Variants in FOXO1 observed in about 807,000 individuals in gnomAD.
The protein encoded by FOXO1 is forkhead box O1, also known as forkhead box protein O1.
FOXO1 carries 6 observed loss-of-function variants against 44.1 expected under a neutral mutation model. That is an observed-to-expected ratio of 0.14 (90% CI 0.07 to 0.27). The LOEUF (loss-of-function observed/expected upper bound fraction) is 0.27, where lower values mean the gene tolerates loss of function less well. FOXO1 is among the 10% of genes least tolerant of loss of function. FOXO1 has a pLI of 1.00. For synonymous variants in FOXO1, 380 were observed against 362.7 expected, an observed-to-expected ratio of 1.05 and a Z score of -0.54; for missense variants, 737 against 888.8, an observed-to-expected ratio of 0.83 and a Z score of 2.17.
At chr13:40,629,759 C>T (rs1876901166) in intron 1 of FOXO1, among the ~76,000 whole-genome samples, 1 of 152,184 alleles carries the variant, frequency 6.6e-6, no homozygotes, top group African/African-American at 2.4e-5. Context: ...CCACCAATGG[C>T]CCTTGCTTCA....
At chr13:40,594,385 C>G (rs1000700764) in intron 1 of FOXO1, among the ~76,000 whole-genome samples, 1 of 152,056 alleles carries the variant, frequency 6.6e-6, no homozygotes. Context: ...GGAATCTAAC[C>G]CCTTCATTTC....
chr13:40,586,216 C>A (rs1212281918), intron 1 of FOXO1, among the ~76,000 whole-genome samples: 1 of 152,222 alleles, frequency 6.6e-6, no homozygotes, highest in Non-Finnish European at 1.5e-5. Flanking sequence ...AAGCACAGTA[C>A]TATTTTGTAA....
chr13:40,666,625 GC>G lies in FOXO1; in HGVS notation c.-414del, dbSNP rs1471970849. On this transcript the variant is annotated 5_prime_UTR_variant, in exon 1 of 3. Coordinates refer to ENST00000379561, the MANE Select transcript of FOXO1 (RefSeq NM_002015.4). ...CAGCGGCTGCTGCGACTACCAGGCC[GC>G]CCGACTTACGGGATCTGCCGCCGCC... 1.1e-5 allele frequency: 2 copies of G among 180,468 alleles called. No homozygotes were observed. Among genetic ancestry groups the G allele is most frequent in the Non-Finnish European group, 2.4e-5 (2 of 85,102 alleles). The allele number at this position is 180,468 out of a possible 1,614,324, so 11.2% of individuals were successfully genotyped here.
intron 1 of FOXO1, among the ~76,000 whole-genome samples, chr13:40,592,245 T>C (rs1202598975): frequency 6.6e-6 from 1 of 152,176 alleles, no homozygotes; most frequent in East Asian, 1.9e-4. Context: ...AGCACTCCGC[T>C]TACTAAATTC....
At position 40,607,695 on chromosome 13, in the gene FOXO1, C is replaced by A. The variant is rs544393321; in HGVS notation, c.631-46835G>T. Among the ~76,000 whole-genome samples the A allele has an allele frequency of 1.5e-3, 224 of 152,332 alleles. 2 individuals are homozygous for A. The highest frequency in any genetic ancestry group is 2.6e-3 in the Non-Finnish European group (180 of 68,032). On this transcript the variant is annotated intron_variant, in intron 1 of 2. Transcript: ENST00000379561. Reference sequence around the variant, plus strand: ...GTTTTTACTTAACCCCATTTGCCTACTAAAGTCATTCTGTTGCCTTGAGCC... The same window carrying A: ...GTTTTTACTTAACCCCATTTGCCTAATAAAGTCATTCTGTTGCCTTGAGCC...
chr13:40,628,805 T>C (rs1159761810), intron 1 of FOXO1, among the ~76,000 whole-genome samples: 2 of 152,186 alleles, frequency 1.3e-5, no homozygotes, highest in African/African-American at 2.4e-5. Flanking sequence ...AGGCTCAACC[T>C]TCCTCTCCAG....
chr13:40,615,630 T>C (rs1169532104), intron 1 of FOXO1, among the ~76,000 whole-genome samples: 1 of 152,050 alleles, frequency 6.6e-6, no homozygotes, highest in Non-Finnish European at 1.5e-5. Flanking sequence ...GCTGTGATTA[T>C]CAACAATGAG....
chr13:40,652,554 A>C (rs746017972), intron 1 of FOXO1, among the ~76,000 whole-genome samples: 3 of 152,156 alleles, frequency 2.0e-5, no homozygotes, highest in African/African-American at 7.2e-5. Flanking sequence ...ATGATTCTGC[A>C]AATTAAACCT....
At position 40,556,109 on chromosome 13, in the gene FOXO1, A is replaced by T. The variant is rs1245247278; in HGVS notation, c.*2940T>A. 1.3e-5 allele frequency: 2 copies of T among 152,266 alleles called. No homozygotes were observed. Among genetic ancestry groups the T allele is most frequent in the African/African-American group, 2.4e-5 (1 of 41,470 alleles). 9.4% of individuals were successfully genotyped at this position (152,266 alleles called of 1,614,324 possible). On this transcript the variant is annotated 3_prime_UTR_variant, in exon 3 of 3. Coordinates refer to ENST00000379561, the MANE Select transcript of FOXO1 (RefSeq NM_002015.4). ...AAACTTCTCTTTTAAAATTAGTTAT[A>T]AATTAAGAACTCTTAGGAGCTTGAA...
chr13:40,642,966 CAAG>C (rs1005472087), intron 1 of FOXO1, among the ~76,000 whole-genome samples: 13 of 152,184 alleles, frequency 8.5e-5, no homozygotes, highest in Non-Finnish European at 1.2e-4. Context: ...AAAATTCTCT[CAAG>C]GAGGAGAGCC....
In FOXO1 at chr13:40,665,994, G is replaced by A. The variant is rs1714731390; in HGVS notation, c.219C>T (p.Asn73=). The A allele has an allele frequency of 2.4e-6, 3 of 1,259,752 alleles. No homozygotes were observed. The highest frequency in any genetic ancestry group is 3.2e-5 in the East Asian group (1 of 31,424). The allele number at this position is 1,259,752 out of a possible 1,614,324, so 78.0% of individuals were successfully genotyped here. A position where few individuals can be genotyped will look rare whatever the true frequency, so the allele number is the denominator to read the frequency against. Residue 73 remains asparagine, a synonymous_variant, in exon 1 of 3, where the codon AAC becomes AAT. Transcript: ENST00000379561. ...CCTCGCTCTCCTCCAGCAAGCTCAG[G>A]TTGCTCATGAAGTCGGCGCTGACAG... is the stretch of plus-strand genomic sequence containing the variant. ...AAAVSADFMS[N]LSLLEESEDF...
At chr13:40,634,517 T>A (rs183944029) in intron 1 of FOXO1, among the ~76,000 whole-genome samples, 14 of 152,150 alleles carry the variant, frequency 9.2e-5, no homozygotes, top group Admixed American at 7.2e-4. Context: ...ACAAAAAAAA[T>A]TTAAAAATAA....
At chr13:40,623,606 AAAGGTGTGGTAGTCTT>A (rs1876689589) in intron 1 of FOXO1, among the ~76,000 whole-genome samples, 2 of 152,184 alleles carry the variant, frequency 1.3e-5, no homozygotes, top group South Asian at 4.1e-4. Flanking sequence ...TAAGTGACAA[AAAGGTGTGGTAGTCTT>A]AGGCTGCATT....
chr13:40,623,937 AAT>A (rs1491360103), intron 1 of FOXO1, among the ~76,000 whole-genome samples: 1 of 140,472 alleles, frequency 7.1e-6, no homozygotes, highest in Admixed American at 7.2e-5. Context: ...AAAAAAAAAA[AAT>A]TTTTTTTTTT....
At chr13:40,607,193 T>A (rs1320975516) in intron 1 of FOXO1, among the ~76,000 whole-genome samples, 1 of 152,182 alleles carries the variant, frequency 6.6e-6, no homozygotes, top group Non-Finnish European at 1.5e-5. Context: ...GAAGGCACAG[T>A]GCAATTCTGT....
intron 1 of FOXO1, among the ~76,000 whole-genome samples, chr13:40,624,190 T>C (rs1468956410): frequency 1.3e-5 from 2 of 151,638 alleles, no homozygotes; most frequent in Admixed American, 1.3e-4. Flanking sequence ...CAAAAGGAGA[T>C]ATGTGGCCTA....
At chr13:40,596,563 A>G (rs556029539) in intron 1 of FOXO1, among the ~76,000 whole-genome samples, 1 of 152,342 alleles carries the variant, frequency 6.6e-6, no homozygotes, top group South Asian at 2.1e-4. Flanking sequence ...TCAACTATAA[A>G]AGGAGGACAA....
intron 1 of FOXO1, among the ~76,000 whole-genome samples, chr13:40,582,436 T>C (rs1874993851): frequency 6.6e-6 from 1 of 151,320 alleles, no homozygotes; most frequent in South Asian, 2.1e-4. Flanking sequence ...TGATTGACTC[T>C]TTCTTTCACG....
In FOXO1 at chr13:40,620,598, G is replaced by C. The variant is rs185201664; in HGVS notation, c.630+44985C>G. ...TCAGCATTTACCAGAGATGCATTGAGAACTGAGTAACCTTAGGTACAGTTA... is the reference window on the plus strand; with the variant it reads ...TCAGCATTTACCAGAGATGCATTGACAACTGAGTAACCTTAGGTACAGTTA... On this transcript the variant is annotated intron_variant, in intron 1 of 2. Coordinates refer to ENST00000379561, the MANE Select transcript of FOXO1 (RefSeq NM_002015.4). 1.2e-4 allele frequency: 52 copies of C among 432,180 alleles called. No individual in the cohort carries two copies. In the East Asian group the frequency reaches 2.7e-3, roughly 22 times the overall value. 26.8% of individuals were successfully genotyped at this position (432,180 alleles called of 1,614,324 possible).
Sources: allele counts gnomAD v4.1 joint callset (sites outside exome capture counted in the v4.1 genomes callset), GRCh38; gene constraint gnomAD v4.1.1; transcripts MANE v1.5; gene names NCBI Gene and HGNC (gene_info 2026-07-23, HGNC 2026-07-21).